The following FOXF2 variants were observed in gnomAD, a reference collection of about 807,000 sequenced individuals.
FOXF2 encodes the protein forkhead box F2, also known as forkhead box protein F2.
Under a neutral mutation model 29.1 loss-of-function variants are expected in FOXF2, and 15 were observed. The ratio of observed to expected loss-of-function variants is 0.52; its 90% confidence interval spans 0.35 to 0.79. The LOEUF (loss-of-function observed/expected upper bound fraction) is 0.79, where lower values mean the gene tolerates loss of function less well. FOXF2 is among the 30% of genes least tolerant of loss of function. The probability of loss-of-function intolerance (pLI) is 0.01; values close to 1 mark genes in which losing one functional copy is unlikely to be tolerated. For synonymous variants in FOXF2, 337 were observed against 316.5 expected (o/e 1.06, Z -0.69); for missense variants, 675 against 667.1 (o/e 1.01, Z -0.13).
At chr6:1,391,933 G>A (rs182429142) in intron 1 of FOXF2, among the ~76,000 whole-genome samples, 5 of 152,336 alleles carry the variant, frequency 3.3e-5, no homozygotes, top group Admixed American at 1.3e-4. Context: ...GGGAGGGGAC[G>A]GTAGGGATGG....
At position 1,390,076 on chromosome 6, in the gene FOXF2, G is replaced by A; in HGVS notation, c.129G>A (p.Glu43=). The change falls in exon 1 of 2, where the codon GAG becomes GAA. Residue 43 remains glutamate, a synonymous_variant. Coordinates refer to ENST00000645481, the MANE Select transcript of FOXF2 (RefSeq NM_001452.2). The surrounding 1 kb of genome is among the most constrained non-coding windows in gnomAD (Gnocchi z 8.5). ...AAAAAAAAAP[E]TTSSSSSSSS... is the part of the protein sequence containing the mutation. ...CCGCCGCCGCCGCCGCCGCCCCGGA[G>A]ACCACCTCCTCCTCCTCGTCGTCGT... 4.3e-6 allele frequency: 6 copies of A among 1,406,280 alleles called. No homozygotes were observed. The highest frequency in any genetic ancestry group is 5.6e-6 in the Non-Finnish European group (6 of 1,071,790). 87.1% of individuals were successfully genotyped at this position (1,406,280 alleles called of 1,614,324 possible). A position where few individuals can be genotyped will look rare whatever the true frequency, so the allele number is the denominator to read the frequency against.
Position 1,390,746 on chromosome 6 carries a change from C to T in FOXF2, c.799C>T (p.His267Tyr). 1 of 1,408,848 alleles carries T rather than the reference C, an allele frequency of 7.1e-7. No homozygotes were observed. The allele number at this position is 1,408,848 out of a possible 1,614,324, so 87.3% of individuals were successfully genotyped here. A position where few individuals can be genotyped will look rare whatever the true frequency, so the allele number is the denominator to read the frequency against. Residue 267 changes from histidine (H) to tyrosine (Y), a missense_variant, in exon 1 of 2, where the codon CAC becomes TAC. Around this residue, in one of 3 missense-constraint regions of FOXF2, gnomAD observed 451 missense variants for 437.2 expected, o/e 1.03. Transcript: ENST00000645481. This position sits in a 1 kb window ranked among gnomAD's most constrained non-coding sequence, Gnocchi z 8.5. ...AGAPSHAHPHHHHHHHVPHMS... is the reference protein window; with the variant it reads ...AGAPSHAHPHYHHHHHVPHMS... ...CGCCCCCAGCCACGCGCACCCTCAC[C>T]ACCACCACCACCACCACGTCCCGCA...
intron 1 of FOXF2, among the ~76,000 whole-genome samples, chr6:1,392,025 A>G (rs1581262705): frequency 1.3e-5 from 2 of 152,192 alleles, no homozygotes; most frequent in Non-Finnish European, 2.9e-5. Flanking sequence ...CGGAGCACCT[A>G]GGGCTGCAGA....
Position 1,390,076 on chromosome 6 carries a change from GACC to G in FOXF2, c.133_135del (p.Thr45del). The G allele has an allele frequency of 7.1e-7, 1 of 1,406,282 alleles. No homozygotes were observed. The highest frequency in any genetic ancestry group is 9.3e-7 in the Non-Finnish European group (1 of 1,071,792). 87.1% of individuals were successfully genotyped at this position (1,406,282 alleles called of 1,614,324 possible). On this transcript the variant is annotated inframe_deletion, in exon 1 of 2. Coordinates refer to ENST00000645481, the MANE Select transcript of FOXF2 (RefSeq NM_001452.2). This position sits in a 1 kb window ranked among gnomAD's most constrained non-coding sequence, Gnocchi z 8.5. ...CCGCCGCCGCCGCCGCCGCCCCGGA[GACC>G]ACCTCCTCCTCCTCGTCGTCGTCCT...
At position 1,390,313 on chromosome 6, in the gene FOXF2, G is replaced by A. The variant is rs1185561455; in HGVS notation, c.366G>A (p.Thr122=). The stretch of plus-strand genomic sequence containing the variant: ...AGAGCTCGCCCAGCAAGCGCCTGAC[G>A]CTCAGCGAGATCTACCAGTTCCTGC... ...AIQSSPSKRL[T]LSEIYQFLQA... The change falls in exon 1 of 2, where the codon ACG becomes ACA. Residue 122 remains threonine, a synonymous_variant. Transcript: ENST00000645481. This position sits in a 1 kb window ranked among gnomAD's most constrained non-coding sequence, Gnocchi z 8.5. The A allele has an allele frequency of 1.3e-5, 21 of 1,613,088 alleles. No individual in the cohort carries two copies. Among genetic ancestry groups the A allele is most frequent in the Non-Finnish European group, 1.8e-5 (21 of 1,179,916 alleles).
Position 1,389,843 on chromosome 6 carries a change from G to A in FOXF2, c.-105G>A. 1 of 203,872 alleles carries A rather than the reference G, an allele frequency of 4.9e-6. No individual in the cohort carries two copies. Among genetic ancestry groups the A allele is most frequent in the Non-Finnish European group, 8.5e-6 (1 of 117,926 alleles). The allele number at this position is 203,872 out of a possible 1,614,324, so 12.6% of individuals were successfully genotyped here. On this transcript the variant is annotated 5_prime_UTR_variant, in exon 1 of 2. Coordinates refer to ENST00000645481, the MANE Select transcript of FOXF2 (RefSeq NM_001452.2). ...GAGTGGCCACGGCTGCAGCCCGGGC[G>A]GCGGGCTAGGGCGCTCGCAGGGCTT...
At chr6:1,392,920 C>T (rs1417260550) in intron 1 of FOXF2, among the ~76,000 whole-genome samples, 1 of 152,200 alleles carries the variant, frequency 6.6e-6, no homozygotes, top group Non-Finnish European at 1.5e-5. Flanking sequence ...GACAGGGACC[C>T]TCTGCCCTTC....
At chr6:1,394,543 G>A (rs570360568) in intron 1 of FOXF2, among the ~76,000 whole-genome samples, 153 bp from the exon 2 acceptor site, 1 of 152,308 alleles carries the variant, frequency 6.6e-6, no homozygotes, top group South Asian at 2.1e-4. Context: ...GTGTGTTTGA[G>A]CTACTTCTAA....
chr6:1,392,434 TCACACACACACACACACACACACA>T (rs71738664), intron 1 of FOXF2, among the ~76,000 whole-genome samples: 2 of 107,674 alleles, frequency 1.9e-5, no homozygotes, highest in African/African-American at 6.8e-5. Flanking sequence ...CGGCTGTCAA[TCACACACACACACACACACACACA>T]CACACACACA....
intron 1 of FOXF2, among the ~76,000 whole-genome samples, chr6:1,391,344 C>G (rs1052704042): frequency 6.6e-6 from 1 of 152,250 alleles, no homozygotes; most frequent in African/African-American, 2.4e-5. Flanking sequence ...TCAGAATTGT[C>G]TGGCTGCTGT....
In FOXF2 at chr6:1,390,856, C is replaced by CGGG; in HGVS notation, c.911_912insGGG (p.Gly306dup). On this transcript the variant is annotated inframe_insertion, in exon 1 of 2. Coordinates refer to ENST00000645481, the MANE Select transcript of FOXF2 (RefSeq NM_001452.2). The surrounding 1 kb of genome is among the most constrained non-coding windows in gnomAD (Gnocchi z 8.5). The stretch of plus-strand genomic sequence containing the variant: ...GGGGCGTCGGTGCGGCCGGGGGCGG[C>CGGG]GGCGGCGGCGACTACGGGCCGGACA... 1 of 1,440,272 alleles carries CGGG rather than the reference C, an allele frequency of 6.9e-7. No homozygotes were observed. Among genetic ancestry groups the CGGG allele is most frequent in the Non-Finnish European group, 9.0e-7 (1 of 1,106,652 alleles). 89.2% of individuals were successfully genotyped at this position (1,440,272 alleles called of 1,614,324 possible).
In FOXF2 at chr6:1,390,005, C is replaced by A; in HGVS notation, c.58C>A (p.Pro20Thr). The A allele has an allele frequency of 1.8e-6, 2 of 1,120,722 alleles. No homozygotes were observed. The highest frequency in any genetic ancestry group is 2.2e-6 in the Non-Finnish European group (2 of 923,340). The allele number at this position is 1,120,722 out of a possible 1,614,324, so 69.4% of individuals were successfully genotyped here. Residue 20 changes from proline to threonine, a missense_variant, in exon 1 of 2, where the codon CCC becomes ACC. By Grantham distance (38) the Pro-to-Thr change is conservative. This residue lies in a region of FOXF2 where 220 missense variants were observed against 205.5 expected (regional missense o/e 1.07). Coordinates refer to ENST00000645481, the MANE Select transcript of FOXF2 (RefSeq NM_001452.2). This position sits in a 1 kb window ranked among gnomAD's most constrained non-coding sequence, Gnocchi z 8.5. ...GCTCCGCCGCGCGTGCAGCCCGGTC[C>A]CCGGCGCGCTCCAGGCCGCCCTGAT... ...APLRRACSPV[P>T]GALQAALMSP...
intron 1 of FOXF2, among the ~76,000 whole-genome samples, chr6:1,392,173 C>T (rs1581262813): frequency 1.3e-5 from 2 of 152,150 alleles, no homozygotes; most frequent in South Asian, 2.1e-4. Context: ...AGCGGGAGCA[C>T]CCGGGGAGAA....
chr6:1,390,205 G>A lies in FOXF2; in HGVS notation c.258G>A (p.Gly86=), dbSNP rs1471732970. The change falls in exon 1 of 2, where the codon GGG becomes GGA. Residue 86 remains glycine, a synonymous_variant. Coordinates refer to ENST00000645481, the MANE Select transcript of FOXF2 (RefSeq NM_001452.2). The surrounding 1 kb of genome is among the most constrained non-coding windows in gnomAD (Gnocchi z 8.5). ...GCGGCGGCGCGGGCGCCGGGAGCGG[G>A]GGCGCCAAGAAGGCGAGCTCGGGGC... The part of the protein sequence containing the change: ...AGGGGAGAGS[G]GAKKASSGLR... 6 of 1,525,908 alleles carry A rather than the reference G, an allele frequency of 3.9e-6. No homozygotes were observed. The Admixed American group carries it at 8.3e-5, about 21-fold the overall frequency. The allele number at this position is 1,525,908 out of a possible 1,614,324, so 94.5% of individuals were successfully genotyped here. A position where few individuals can be genotyped will look rare whatever the true frequency, so the allele number is the denominator to read the frequency against.
chr6:1,393,174 C>T (rs989964173), intron 1 of FOXF2, among the ~76,000 whole-genome samples: 1 of 151,912 alleles, frequency 6.6e-6, no homozygotes, highest in Non-Finnish European at 1.5e-5. Context: ...GCACGACCCT[C>T]CCTCCCCCAG....
In FOXF2 at chr6:1,389,841, G is replaced by A; in HGVS notation, c.-107G>A. The A allele has an allele frequency of 5.1e-6, 1 of 197,498 alleles. No homozygotes were observed. The highest frequency in any genetic ancestry group is 8.9e-6 in the Non-Finnish European group (1 of 112,156). The allele number at this position is 197,498 out of a possible 1,614,324, so 12.2% of individuals were successfully genotyped here. A position where few individuals can be genotyped will look rare whatever the true frequency, so the allele number is the denominator to read the frequency against. Reference sequence around the variant, plus strand: ...CGGAGTGGCCACGGCTGCAGCCCGGGCGGCGGGCTAGGGCGCTCGCAGGGC... The same window carrying A: ...CGGAGTGGCCACGGCTGCAGCCCGGACGGCGGGCTAGGGCGCTCGCAGGGC... On this transcript the variant is annotated 5_prime_UTR_variant, in exon 1 of 2. Coordinates refer to ENST00000645481, the MANE Select transcript of FOXF2 (RefSeq NM_001452.2).
intron 1 of FOXF2, among the ~76,000 whole-genome samples, chr6:1,393,591 G>A (rs1758840438): frequency 6.6e-6 from 1 of 152,136 alleles, no homozygotes; most frequent in Admixed American, 6.5e-5. Flanking sequence ...GCCTCGCTCC[G>A]GCATTGCGGG....
Position 1,390,726 on chromosome 6 carries a change from C to G in FOXF2, c.779C>G (p.Pro260Arg), listed in dbSNP as rs369781598. Residue 260 changes from proline (P) to arginine (R), a missense_variant, in exon 1 of 2, where the codon CCC (proline) becomes CGC (arginine). Transcript: ENST00000645481. This position sits in a 1 kb window ranked among gnomAD's most constrained non-coding sequence, Gnocchi z 8.5. ...GGCTACGACGCCGGCGCGGGCGCCC[C>G]CAGCCACGCGCACCCTCACCACCAC... is the stretch of plus-strand genomic sequence containing the variant. Reference protein sequence around the residue: ...PAGYDAGAGAPSHAHPHHHHH... With the variant: ...PAGYDAGAGARSHAHPHHHHH... 2 of 1,432,520 alleles carry G rather than the reference C, an allele frequency of 1.4e-6. No individual in the cohort carries two copies. The highest frequency in any genetic ancestry group is 3.1e-5 in the Admixed American group (1 of 32,688). 88.7% of individuals were successfully genotyped at this position (1,432,520 alleles called of 1,614,324 possible).
chr6:1,394,885 C>T lies in FOXF2; in HGVS notation c.*26C>T, dbSNP rs759632625. On this transcript the variant is annotated 3_prime_UTR_variant, in exon 2 of 2. Transcript: ENST00000645481. Reference sequence around the variant, plus strand: ...ACGGAAAGAGGCCAAGCGATGGCCGCTCTCTCCTCTCCCCTCCTCAGAGGG... The same window carrying T: ...ACGGAAAGAGGCCAAGCGATGGCCGTTCTCTCCTCTCCCCTCCTCAGAGGG... 6.2e-7 allele frequency: 1 copy of T among 1,612,668 alleles called. No individual in the cohort carries two copies. The highest frequency in any genetic ancestry group is 1.1e-5 in the South Asian group (1 of 91,054).
Sources: gnomAD v4.1 joint callset for allele counts (sites outside exome capture counted in the v4.1 genomes callset) on GRCh38, gnomAD v4.1.1 for gene constraint, gnomAD v4.1.1 regional missense constraint, Gnocchi (gnomAD v3.1) non-coding constraint, MANE v1.5 for transcripts, NCBI Gene and HGNC (gene_info 2026-07-23, HGNC 2026-07-21) for gene names.